CCDC3: variants seen among roughly 807,000 people sequenced by gnomAD.
CCDC3 encodes the protein coiled-coil domain containing 3.
In CCDC3, 24 loss-of-function variants were observed where a neutral mutation model predicts 21.4. The observed-to-expected ratio is 1.12, with a 90% CI of 0.81 to 1.58. The LOEUF is 1.58. Among genes scored for constraint, CCDC3 ranks in the 40% most tolerant of loss-of-function variants. The pLI is 0.00. For synonymous variants in CCDC3, 186 were observed against 166.0 expected (o/e 1.12, Z -0.93); for missense variants, 425 against 360.9 (o/e 1.18, Z -1.44).
intron 4 of CCDC3, among the ~76,000 whole-genome samples, chr10:13,067,170 C>T (rs539120757): frequency 2.0e-5 from 3 of 152,206 alleles, no homozygotes; most frequent in Admixed American, 1.3e-4. Flanking sequence ...GATAGACTGG[C>T]GAATGGTGGG....
intron 2 of CCDC3, among the ~76,000 whole-genome samples, chr10:12,951,415 AG>A (rs1465620068): frequency 6.6e-6 from 1 of 152,168 alleles, no homozygotes; most frequent in Non-Finnish European, 1.5e-5. Flanking sequence ...CCTAATCTAC[AG>A]GGCATGATCC....
intron 4 of CCDC3, among the ~76,000 whole-genome samples, chr10:13,067,604 T>A (rs1836837194): frequency 6.6e-6 from 1 of 152,200 alleles, no homozygotes; most frequent in Non-Finnish European, 1.5e-5. Flanking sequence ...TGTAACCACG[T>A]GGCAACGTTT....
At chr10:12,946,848 C>T (rs1306775572) in intron 2 of CCDC3, among the ~76,000 whole-genome samples, 1 of 152,108 alleles carries the variant, frequency 6.6e-6, no homozygotes, top group African/African-American at 2.4e-5. Flanking sequence ...ATTTGGTAAT[C>T]ATCTCATCCT....
At chr10:12,993,837 A>T (rs992305222) in intron 2 of CCDC3, among the ~76,000 whole-genome samples, 2 of 152,194 alleles carry the variant, frequency 1.3e-5, no homozygotes, top group Non-Finnish European at 2.9e-5. Context: ...TTGAAGATGG[A>T]GAGGTGCTGG....
intron 2 of CCDC3, among the ~76,000 whole-genome samples, chr10:12,922,985 G>T (rs1834475846): frequency 6.6e-6 from 1 of 152,094 alleles, no homozygotes; most frequent in African/African-American, 2.4e-5. Flanking sequence ...CTCTCCCTTT[G>T]TGAGTGAGAT....
chr10:13,011,249 C>T (rs1835981052), intron 5 of CCDC3, among the ~76,000 whole-genome samples: 1 of 151,400 alleles, frequency 6.6e-6, no homozygotes, highest in Non-Finnish European at 1.5e-5. Context: ...ATCAAACTAT[C>T]CCTGTTTTCA....
At chr10:13,023,333 T>G (rs1836172444) in intron 5 of CCDC3, among the ~76,000 whole-genome samples, 1 of 150,752 alleles carries the variant, frequency 6.6e-6, no homozygotes, top group Admixed American at 6.6e-5. Flanking sequence ...GTCTGGATGC[T>G]GGAATGACAA....
chr10:13,048,897 T>C (rs557323503), intron 5 of CCDC3, among the ~76,000 whole-genome samples: 37 of 152,146 alleles, frequency 2.4e-4, no homozygotes, highest in Middle Eastern at 3.4e-3. Context: ...CCACGTGGTC[T>C]TTTTTTTAAT....
chr10:13,007,913 G>A (rs1835943326), intron 5 of CCDC3, among the ~76,000 whole-genome samples: 1 of 152,170 alleles, frequency 6.6e-6, no homozygotes. Context: ...GGCAGGATAA[G>A]AGATGGAAGA....
At chr10:12,910,231 G>T (rs956989726) in intron 2 of CCDC3, among the ~76,000 whole-genome samples, 1 of 152,154 alleles carries the variant, frequency 6.6e-6, no homozygotes, top group Admixed American at 6.6e-5. Context: ...AAGAGCTGTG[G>T]GTGCAATTTA....
chr10:12,961,303 A>G (rs1835175533), intron 2 of CCDC3, among the ~76,000 whole-genome samples: 1 of 152,204 alleles, frequency 6.6e-6, no homozygotes, highest in Non-Finnish European at 1.5e-5. Context: ...GAGCCTGCCA[A>G]GTGGCCGCTA....
At chr10:12,926,623 A>G (rs995718673) in intron 2 of CCDC3, among the ~76,000 whole-genome samples, 19 of 152,234 alleles carry the variant, frequency 1.2e-4, no homozygotes, top group African/African-American at 4.6e-4. Context: ...AAACAACTAA[A>G]TATAAATGGA....
At chr10:12,980,456 C>G (rs575490436) in intron 2 of CCDC3, among the ~76,000 whole-genome samples, 2 of 152,232 alleles carry the variant, frequency 1.3e-5, no homozygotes, top group African/African-American at 4.8e-5. Context: ...GTAAAACCTC[C>G]GTGCCAGCTG....
At chr10:13,074,165 T>A (rs371880923) in intron 3 of CCDC3, 70 of 131,082 alleles carry the variant, frequency 5.3e-4, no homozygotes, top group African/African-American at 1.7e-3. Context: ...TTTTTTTTTT[T>A]TTTTTTTTTG....
intron 2 of CCDC3, among the ~76,000 whole-genome samples, chr10:12,938,562 T>C (rs1888662): frequency 0.14 from 21,667 of 152,218 alleles, 2,109 homozygotes; most frequent in East Asian, 0.44. Flanking sequence ...TAGGAGACCA[T>C]AGACAAGTTA....
At chr10:12,998,625 G>T in intron 1 of CCDC3, 113 bp from the exon 2 acceptor site, 2 of 892,684 alleles carry the variant, frequency 2.2e-6, no homozygotes, top group Non-Finnish European at 3.5e-6. Flanking sequence ...TCAATGTCTG[G>T]CATGGCTCTC....
intron 2 of CCDC3, among the ~76,000 whole-genome samples, chr10:12,917,019 C>T (rs1409331100): frequency 6.6e-6 from 1 of 152,066 alleles, no homozygotes; most frequent in Non-Finnish European, 1.5e-5. Context: ...CTGTGAGGCC[C>T]TTGCATGGCA....
chr10:13,039,884 C>A (rs533778429), intron 5 of CCDC3, among the ~76,000 whole-genome samples: 8 of 151,222 alleles, frequency 5.3e-5, no homozygotes, highest in Non-Finnish European at 1.2e-4. Flanking sequence ...TGGGCAGGAT[C>A]TAGAATGCTG....
chr10:13,052,502 C>T (rs61853187), intron 4 of CCDC3, among the ~76,000 whole-genome samples: 14 of 152,090 alleles, frequency 9.2e-5, no homozygotes, highest in East Asian at 1.9e-4. Flanking sequence ...TATGTATGGA[C>T]GATATATTAA....
Sources: gnomAD v4.1 joint callset for allele counts (sites outside exome capture counted in the v4.1 genomes callset) on GRCh38, gnomAD v4.1.1 for gene constraint, MANE v1.5 for transcripts, NCBI Gene and HGNC (gene_info 2026-07-23, HGNC 2026-07-21) for gene names.